Variants in USP36 observed in about 807,000 individuals in gnomAD.
USP36 encodes ubiquitin carboxyl-terminal hydrolase 36.
Under a neutral mutation model 111.5 loss-of-function variants are expected in USP36, and 59 were observed. That is an observed-to-expected ratio of 0.53 (90% CI 0.43 to 0.66). The LOEUF is 0.66. Ranked by LOEUF, USP36 falls within the 30% of genes least tolerant of loss-of-function variation. USP36 has a pLI of 0.00. For missense variants in USP36, 1,488 were observed against 1,468.0 expected (o/e 1.01, Z -0.22); for synonymous variants, 628 against 581.0 (o/e 1.08, Z -1.16).
In USP36 at chr17:78,819,994, G is replaced by A. The variant is rs765509578; in HGVS notation, c.847C>T (p.Arg283Cys). Residue 283 changes from arginine to cysteine, a missense_variant, in exon 9 of 21, where the codon CGT (arginine) becomes TGT (cysteine). Arg to Cys is a radical substitution (Grantham distance 180). Around this residue, in one of 3 missense-constraint regions of USP36, gnomAD observed 196 missense variants for 264.4 expected, o/e 0.74. Transcript: ENST00000449938. The part of the protein sequence containing the change: ...LEIRQAANIV[R>C]ALELFVKADV... ...GCTTTCACAAAAAGTTCCAGAGCAC[G>A]CACAATATTCGCAGCTTGCTGAGGA... 40 of 1,613,982 alleles carry A rather than the reference G, an allele frequency of 2.5e-5. No homozygotes were observed. The highest frequency in any genetic ancestry group is 2.1e-4 in the South Asian group (19 of 91,088).
chr17:78,806,649 C>G (rs1011353097), intron 14 of USP36, among the ~76,000 whole-genome samples: 15 of 152,152 alleles, frequency 9.9e-5, no homozygotes, highest in Non-Finnish European at 1.6e-4. Context: ...CTGGTGGGGC[C>G]CACCCTCCCT....
In USP36 at chr17:78,798,130, C is replaced by G; in HGVS notation, c.*21-251G>C. ...GCCACAGATGCCAGGTGTACACACC[C>G]CACACCCAACACACACTACACACAC... On this transcript the variant is annotated intron_variant, in intron 20 of 20. Coordinates refer to ENST00000449938, the MANE Select transcript of USP36 (RefSeq NM_001385174.1). This position sits in a 1 kb window ranked among gnomAD's most constrained non-coding sequence, Gnocchi z 5.1. 2.2e-6 allele frequency: 1 copy of G among 452,732 alleles called. No homozygotes were observed. Among genetic ancestry groups the G allele is most frequent in the South Asian group, 3.3e-5 (1 of 30,338 alleles). 28.0% of individuals were successfully genotyped at this position (452,732 alleles called of 1,614,324 possible). A position where few individuals can be genotyped will look rare whatever the true frequency, so the allele number is the denominator to read the frequency against.
At chr17:78,813,565 G>A (rs1029336718) in intron 12 of USP36, among the ~76,000 whole-genome samples, 7 of 152,218 alleles carry the variant, frequency 4.6e-5, no homozygotes, top group Admixed American at 2.6e-4. Flanking sequence ...GCATCAATGT[G>A]AGGGCAGATG....
rs888915945 is a variant in USP36, at chr17:78,826,884, T to C, written c.689+361A>G. The C allele has an allele frequency of 1.0e-5, 6 of 579,620 alleles. No individual in the cohort carries two copies. In the African/African-American group the frequency reaches 1.1e-4, roughly 11 times the overall value. 35.9% of individuals were successfully genotyped at this position (579,620 alleles called of 1,614,324 possible). A position where few individuals can be genotyped will look rare whatever the true frequency, so the allele number is the denominator to read the frequency against. Reference sequence around the variant, plus strand: ...CCCCAACCTCTTTTCAAAAACGACATGATTTTTAAGAGACTGAAAAAGTCC... The same window carrying C: ...CCCCAACCTCTTTTCAAAAACGACACGATTTTTAAGAGACTGAAAAAGTCC... On this transcript the variant is annotated intron_variant, in intron 6 of 20. Coordinates refer to ENST00000449938, the MANE Select transcript of USP36 (RefSeq NM_001385174.1).
At chr17:78,811,572 G>A (rs1457748765) in intron 13 of USP36, among the ~76,000 whole-genome samples, 2 of 151,978 alleles carry the variant, frequency 1.3e-5, no homozygotes, top group Admixed American at 6.6e-5. Context: ...CATTTTCCCC[G>A]TTAAATGTGA....
In USP36 at chr17:78,828,927, T is replaced by C; in HGVS notation, c.556A>G (p.Lys186Glu). The C allele has an allele frequency of 1.2e-6, 2 of 1,614,224 alleles. No individual in the cohort carries two copies. Among genetic ancestry groups the C allele is most frequent in the Non-Finnish European group, 1.7e-6 (2 of 1,180,040 alleles). Residue 186 changes from lysine (K) to glutamate (E), a missense_variant, in exon 5 of 21, where the codon AAG becomes GAG. Transcript: ENST00000449938. ...QAFANSGNAI[K>E]PVSFIRDLKK... ...AGGTCTCGGATGAAGGAGACGGGCTTGATGGCGTTGCCGCTGTTGGCGAAG... is the reference window on the plus strand; with the variant it reads ...AGGTCTCGGATGAAGGAGACGGGCTCGATGGCGTTGCCGCTGTTGGCGAAG...
At chr17:78,795,438 G>A (rs1235097454), downstream of USP36, among the ~76,000 whole-genome samples, 1 of 152,156 alleles carries the variant, frequency 6.6e-6, no homozygotes, top group Non-Finnish European at 1.5e-5. This position sits in a 1 kb window ranked among gnomAD's most constrained non-coding sequence, Gnocchi z 4.5. Flanking sequence ...GCCGCTGCAC[G>A]GCAACCCGCC....
At position 78,839,808 on chromosome 17, in the gene USP36, C is replaced by G. The variant is rs74001298; in HGVS notation, c.-174+928G>C. Among the ~76,000 whole-genome samples the G allele has an allele frequency of 1.5e-3, 222 of 152,276 alleles. 2 individuals are homozygous for G. Among genetic ancestry groups the G allele is most frequent in the African/African-American group, 5.2e-3 (215 of 41,538 alleles). Reference sequence around the variant, plus strand: ...TTCCTGTAATCACTAGCAATCCCTCCGACGCACACACCATCCACACTCTAC... The same window carrying G: ...TTCCTGTAATCACTAGCAATCCCTCGGACGCACACACCATCCACACTCTAC... On this transcript the variant is annotated intron_variant, in intron 1 of 20. Coordinates refer to ENST00000449938, the MANE Select transcript of USP36 (RefSeq NM_001385174.1).
At chr17:78,804,079 T>C in intron 15 of USP36, 101 bp from the exon 16 acceptor site, 2 of 844,186 alleles carry the variant, frequency 2.4e-6, no homozygotes, top group Non-Finnish European at 1.8e-6. Flanking sequence ...CCTAAAAATC[T>C]GAAAAGGCTT....
chr17:78,828,738 C>A (rs1252083380), intron 5 of USP36, among the ~76,000 whole-genome samples, 159 bp downstream of exon 5: 2 of 152,194 alleles, frequency 1.3e-5, no homozygotes. Context: ...GGCACAGTGG[C>A]TCGTGTCTGT....
At chr17:78,788,099 C>T (rs1213915035) in intron 3 of USP36, among the ~76,000 whole-genome samples, 1 of 152,124 alleles carries the variant, frequency 6.6e-6, no homozygotes, top group African/African-American at 2.4e-5. Flanking sequence ...TTATGGCAGC[C>T]TCAGGAAGCG....
At chr17:78,809,875 C>T (rs2094006388) in intron 13 of USP36, among the ~76,000 whole-genome samples, 1 of 151,740 alleles carries the variant, frequency 6.6e-6, no homozygotes, top group Non-Finnish European at 1.5e-5. Context: ...GAGATGGAGT[C>T]CCGCTCTGTC....
chr17:78,790,408 A>G (rs923238988), intron 3 of USP36, among the ~76,000 whole-genome samples: 5 of 152,134 alleles, frequency 3.3e-5, no homozygotes, highest in African/African-American at 1.2e-4. Context: ...CTCCTGCCTC[A>G]GCCTCCCGAG....
chr17:78,812,810 TGAG>T (rs767041311), intron 13 of USP36, 47 bp downstream of exon 13: 1 of 1,605,018 alleles, frequency 6.2e-7, no homozygotes, highest in South Asian at 1.1e-5. Flanking sequence ...AGGAGGTCTG[TGAG>T]GAGCACCAAG....
At chr17:78,790,304 T>G (rs1245706795) in intron 3 of USP36, among the ~76,000 whole-genome samples, 1 of 151,878 alleles carries the variant, frequency 6.6e-6, no homozygotes. Flanking sequence ...TTTTCTTTTT[T>G]TTTAAAGACA....
Position 78,807,265 on chromosome 17 carries a change from C to A in USP36, c.1779G>T (p.Gly593=), listed in dbSNP as rs773774964. The A allele has an allele frequency of 1.2e-6, 2 of 1,613,932 alleles. No homozygotes were observed. The highest frequency in any genetic ancestry group is 2.2e-5 in the East Asian group (1 of 44,884). Residue 593 remains glycine (G), a synonymous_variant, in exon 14 of 21, where the codon GGG becomes GGT. Coordinates refer to ENST00000449938, the MANE Select transcript of USP36 (RefSeq NM_001385174.1). ...PKLLATATAN[G]HGLKGNDESA... is the part of the protein sequence containing the mutation. ...TCTCGTCGTTCCCCTTCAGCCCATG[C>A]CCGTTGGCAGTGGCTGTAGCCAGGA...
intron 10 of USP36, among the ~76,000 whole-genome samples, chr17:78,815,872 CAT>C (rs1345509964): frequency 2.0e-5 from 3 of 152,026 alleles, no homozygotes; most frequent in African/African-American, 7.2e-5. Context: ...CACATGTACG[CAT>C]ATACATACAT....
At chr17:78,829,751 CT>C (rs969520982) in intron 4 of USP36, among the ~76,000 whole-genome samples, 2 of 151,396 alleles carry the variant, frequency 1.3e-5, no homozygotes, top group African/African-American at 4.9e-5. Context: ...GACAGTGGTC[CT>C]TTTTTTTTGA....
intron 1 of USP36, chr17:78,840,328 C>T: frequency 6.6e-6 from 1 of 151,962 alleles, no homozygotes; most frequent in Non-Finnish European, 1.5e-5. Context: ...AAGGTGCCCG[C>T]CCCGGGGCCG....
Sources: allele counts gnomAD v4.1 joint callset (sites outside exome capture counted in the v4.1 genomes callset), GRCh38; gene constraint gnomAD v4.1.1; regional missense constraint gnomAD v4.1.1; non-coding constraint Gnocchi (gnomAD v3.1); transcripts MANE v1.5; gene names NCBI Gene and HGNC (gene_info 2026-07-23, HGNC 2026-07-21).